LRRC4C: variants seen among roughly 807,000 people sequenced by gnomAD.
LRRC4C encodes leucine rich repeat containing 4C.
In LRRC4C, 5 loss-of-function variants were observed where a neutral mutation model predicts 33.6. That is an observed-to-expected ratio of 0.15 (90% confidence interval 0.08 to 0.31). The LOEUF (loss-of-function observed/expected upper bound fraction) is 0.31, where lower values mean the gene tolerates loss of function less well. LRRC4C is among the 10% of genes least tolerant of loss of function. The probability of loss-of-function intolerance (pLI) is 1.00; values close to 1 mark genes in which losing one functional copy is unlikely to be tolerated. For synonymous variants in LRRC4C, 329 were observed against 302.0 expected, an observed-to-expected ratio of 1.09 and a Z score of -0.93; for missense variants, 560 against 796.7, an observed-to-expected ratio of 0.70 and a Z score of 3.58.
rs560039106 is a variant in LRRC4C at position 41,185,805 on chromosome 11, C to T, written c.-495-252082G>A. On this transcript the variant is annotated intron_variant, in intron 1 of 6. Transcript: ENST00000528697. ...ATTTCTAAACTATAGAAAAAAGTCA[C>T]AAATTAAAAGACCAACAGATTTGAA... is the stretch of plus-strand genomic sequence containing the variant. Among the ~76,000 whole-genome samples the T allele has an allele frequency of 6.6e-5, 10 of 151,550 alleles. No individual in the cohort carries two copies. In the South Asian group the frequency reaches 2.1e-3, roughly 32 times the overall value.
chr11:40,646,526 T>C (rs1942467059), intron 3 of LRRC4C, among the ~76,000 whole-genome samples: 1 of 152,128 alleles, frequency 6.6e-6, no homozygotes, highest in Non-Finnish European at 1.5e-5. Context: ...TCCTTCCCTG[T>C]GTATAAATAG....
chr11:40,406,555 G>A (rs905252069), intron 3 of LRRC4C, among the ~76,000 whole-genome samples: 1 of 152,066 alleles, frequency 6.6e-6, no homozygotes, highest in African/African-American at 2.4e-5. Context: ...ATAGAAAAAA[G>A]ACTAGAAGAA....
intron 2 of LRRC4C, among the ~76,000 whole-genome samples, chr11:40,879,810 G>T (rs1294387123): frequency 2.0e-5 from 3 of 152,062 alleles, no homozygotes; most frequent in African/African-American, 7.2e-5. Flanking sequence ...ATGTGAAAAG[G>T]CTCAAAAACA....
intron 1 of LRRC4C, among the ~76,000 whole-genome samples, chr11:41,436,030 C>A (rs544817109): frequency 6.6e-6 from 1 of 152,144 alleles, no homozygotes; most frequent in East Asian, 1.9e-4. Context: ...ATGGTGAAAC[C>A]TTGTCTGTAC....
At chr11:40,894,377 C>T (rs1275908062) in intron 2 of LRRC4C, among the ~76,000 whole-genome samples, 3 of 152,022 alleles carry the variant, frequency 2.0e-5, no homozygotes, top group Admixed American at 1.3e-4. Flanking sequence ...GATGTTCCAG[C>T]GTTAAGTTTT....
chr11:40,570,793 T>C lies in LRRC4C; in HGVS notation c.-270+77349A>G, dbSNP rs76419360. 3.7e-3 allele frequency among the ~76,000 whole-genome samples: 571 copies of C among 152,268 alleles called. 2 individuals carry two copies. The highest frequency in any genetic ancestry group is 5.2e-3 in the Non-Finnish European group (353 of 68,022). On this transcript the variant is annotated intron_variant, in intron 3 of 6. Coordinates refer to ENST00000528697, the MANE Select transcript of LRRC4C (RefSeq NM_001258419.2). ...CAAGACGCTGAAGATTTAAATTGAT[T>C]CTTTGATGTGCTATCAGCCATTATG...
intron 3 of LRRC4C, among the ~76,000 whole-genome samples, chr11:40,471,581 T>A (rs544323127): frequency 2.0e-5 from 3 of 149,380 alleles, no homozygotes; most frequent in Admixed American, 6.7e-5. Flanking sequence ...AATTAAAAGA[T>A]CCCTCAGTGT....
At chr11:40,965,641 C>T (rs540108628) in intron 1 of LRRC4C, among the ~76,000 whole-genome samples, 6 of 152,090 alleles carry the variant, frequency 3.9e-5, no homozygotes, top group Non-Finnish European at 7.4e-5. Flanking sequence ...TTCCCCATTG[C>T]TTGTTTTTGT....
At chr11:40,965,524 G>C (rs1315085596) in intron 1 of LRRC4C, among the ~76,000 whole-genome samples, 2 of 151,850 alleles carry the variant, frequency 1.3e-5, no homozygotes, top group Non-Finnish European at 2.9e-5. Context: ...AGTCTTTAAT[G>C]CATCTTGAAT....
At chr11:41,079,841 G>A (rs889851588) in intron 1 of LRRC4C, among the ~76,000 whole-genome samples, 1 of 152,090 alleles carries the variant, frequency 6.6e-6, no homozygotes, top group African/African-American at 2.4e-5. Context: ...TGTGGCCCAA[G>A]GCAATTCTTC....
In LRRC4C at chr11:40,288,161, T is replaced by C. The variant is rs183139076; in HGVS notation, c.-176+31467A>G. 1.3e-3 allele frequency among the ~76,000 whole-genome samples: 192 copies of C among 152,314 alleles called. 1 individual carries two copies. The highest frequency in any genetic ancestry group is 4.3e-3 in the African/African-American group (180 of 41,582). ...AGGCTCAGAGAGGTTAAATGATGCA[T>C]GTAACACACGTGGCCCAGTGGGAAG... On this transcript the variant is annotated intron_variant, in intron 4 of 6. Transcript: ENST00000528697.
intron 4 of LRRC4C, among the ~76,000 whole-genome samples, chr11:40,287,932 T>C (rs1943952884): frequency 6.6e-6 from 1 of 152,220 alleles, no homozygotes; most frequent in Non-Finnish European, 1.5e-5. Context: ...TCTTAGTCTA[T>C]GCCAATGTGA....
At chr11:40,845,489 G>A (rs1953115521) in intron 2 of LRRC4C, among the ~76,000 whole-genome samples, 1 of 152,094 alleles carries the variant, frequency 6.6e-6, no homozygotes, top group African/African-American at 2.4e-5. Flanking sequence ...CTTCATCCAT[G>A]TCCCTGCAAA....
At chr11:41,292,832 T>G (rs564261327) in intron 1 of LRRC4C, among the ~76,000 whole-genome samples, 2 of 152,100 alleles carry the variant, frequency 1.3e-5, no homozygotes, top group South Asian at 4.1e-4. Flanking sequence ...CTTAAAAAAT[T>G]TTTCAGGAGT....
At chr11:40,754,529 G>A (rs1235401356) in intron 2 of LRRC4C, among the ~76,000 whole-genome samples, 1 of 152,038 alleles carries the variant, frequency 6.6e-6, no homozygotes, top group Non-Finnish European at 1.5e-5. Flanking sequence ...GCAGACAGCA[G>A]CCTAAGGCTA....
intron 3 of LRRC4C, among the ~76,000 whole-genome samples, chr11:40,558,585 T>A (rs1194683970): frequency 2.0e-5 from 3 of 152,188 alleles, no homozygotes; most frequent in Non-Finnish European, 4.4e-5. Context: ...ATTAATTCCG[T>A]CATTACCACA....
rs1328317306 is a variant in LRRC4C at position 41,048,288 on chromosome 11, A to G, written c.-495-114565T>C. Among the ~76,000 whole-genome samples the G allele has an allele frequency of 4.6e-5, 6 of 130,662 alleles. No homozygotes were observed. The East Asian group carries it at 1.1e-3, about 25-fold the overall frequency. The allele number at this position is 130,662 out of a possible 152,430, so 85.7% of individuals were successfully genotyped here. A position where few individuals can be genotyped will look rare whatever the true frequency, so the allele number is the denominator to read the frequency against. ...TTTTTTTTTTTTTTTTTTTGGAGAT[A>G]GAGTCTCACTCTGTTGCCCATGCTG... On this transcript the variant is annotated intron_variant, in intron 1 of 6. Coordinates refer to ENST00000528697, the MANE Select transcript of LRRC4C (RefSeq NM_001258419.2).
At chr11:40,770,033 G>T (rs562994525) in intron 2 of LRRC4C, among the ~76,000 whole-genome samples, 3 of 151,954 alleles carry the variant, frequency 2.0e-5, no homozygotes, top group Non-Finnish European at 4.4e-5. Context: ...AAAAAATTCC[G>T]CACATCAAAG....
At chr11:41,155,175 T>A (rs1343720943) in intron 1 of LRRC4C, among the ~76,000 whole-genome samples, 1 of 152,138 alleles carries the variant, frequency 6.6e-6, no homozygotes, top group African/African-American at 2.4e-5. Flanking sequence ...CCATTGCCAC[T>A]CACAGTTTGG....
Sources: gnomAD v4.1 joint callset for allele counts (sites outside exome capture counted in the v4.1 genomes callset) on GRCh38, gnomAD v4.1.1 for gene constraint, MANE v1.5 for transcripts, NCBI Gene and HGNC (gene_info 2026-07-23, HGNC 2026-07-21) for gene names.